Variants in WDR7 observed in about 807,000 individuals in gnomAD.
The protein encoded by WDR7 is WD repeat-containing protein 7.
WDR7 carries 46 observed loss-of-function variants against 169.4 expected under a neutral mutation model. The ratio of observed to expected loss-of-function variants is 0.27; its 90% CI spans 0.21 to 0.35. WDR7 has a LOEUF of 0.35. Ranked by LOEUF, WDR7 falls within the 10% of genes least tolerant of loss-of-function variation. The probability of loss-of-function intolerance (pLI) is 1.00; values close to 1 mark genes in which losing one functional copy is unlikely to be tolerated. For missense variants in WDR7, 1,534 were observed against 1,859.3 expected (o/e 0.83, Z 3.22); for synonymous variants, 612 against 666.8 (o/e 0.92, Z 1.27).
rs986539588 is a variant in WDR7, at chr18:56,967,102, G to A, written c.4164+4573G>A. Among the ~76,000 whole-genome samples, 9 of 152,192 alleles carry A rather than the reference G, an allele frequency of 5.9e-5. No homozygotes were observed. The East Asian group carries it at 1.7e-3, about 29-fold the overall frequency. On this transcript the variant is annotated intron_variant, in intron 26 of 27. Coordinates refer to ENST00000254442, the MANE Select transcript of WDR7 (RefSeq NM_015285.3). ...TTACAATTAAATTTCATTAATTGTA[G>A]GGAATTTTATAGATGAAACTGGAGA...
intron 13 of WDR7, among the ~76,000 whole-genome samples, chr18:56,721,067 A>G (rs1396900173): frequency 1.3e-5 from 2 of 152,006 alleles, no homozygotes; most frequent in African/African-American, 4.8e-5. Context: ...TAAAAAATGA[A>G]GCTAGAAAAA....
chr18:56,790,915 A>C (rs1462078686), intron 19 of WDR7, among the ~76,000 whole-genome samples: 1 of 152,070 alleles, frequency 6.6e-6, no homozygotes, highest in Non-Finnish European at 1.5e-5. Context: ...ATTGAGATTG[A>C]TCTGGTTTCT....
At position 57,029,633 on chromosome 18, in the gene WDR7, A is replaced by C. The variant is rs2048419642; in HGVS notation, c.*2426A>C. The C allele has an allele frequency of 6.6e-6, 1 of 152,076 alleles. No individual in the cohort carries two copies. Among genetic ancestry groups the C allele is most frequent in the South Asian group, 2.1e-4 (1 of 4,826 alleles). 9.4% of individuals were successfully genotyped at this position (152,076 alleles called of 1,614,324 possible). On this transcript the variant is annotated 3_prime_UTR_variant, in exon 28 of 28. Coordinates refer to ENST00000254442, the MANE Select transcript of WDR7 (RefSeq NM_015285.3). ...TACAAGCAAAAGATGACATGACGTG[A>C]CACCTGTATGAAAATGTGATGATTG... is the stretch of plus-strand genomic sequence containing the variant.
intron 26 of WDR7, among the ~76,000 whole-genome samples, chr18:56,980,751 A>G (rs952835634): frequency 6.6e-6 from 1 of 152,130 alleles, no homozygotes; most frequent in Non-Finnish European, 1.5e-5. Context: ...GATGGGAGAG[A>G]AGAGCATGTG....
chr18:56,749,407 T>C (rs2043754554), intron 14 of WDR7, among the ~76,000 whole-genome samples: 1 of 147,944 alleles, frequency 6.8e-6, no homozygotes, highest in South Asian at 2.2e-4. Flanking sequence ...TGTGTGTGTG[T>C]GTGTGTGTTA....
intron 1 of WDR7, among the ~76,000 whole-genome samples, chr18:56,669,462 A>T (rs901083606): frequency 2.6e-5 from 4 of 152,150 alleles, no homozygotes; most frequent in African/African-American, 7.2e-5. Context: ...AAACATTTCA[A>T]TTGAATAAGC....
In WDR7 at chr18:56,718,098, T is replaced by C. The variant is rs1265691070; in HGVS notation, c.1713T>C (p.Ser571=). ...TTCAAGTAATCAAATGGAGGCCTTC[T>C]GATGATTACCTGGTGGTGGGGTGTT... ...FPIQVIKWRP[S]DDYLVVGCSD... is the part of the protein sequence containing the mutation. Residue 571 remains serine, a synonymous_variant, in exon 13 of 28, where the codon TCT becomes TCC. Transcript: ENST00000254442. 6.2e-7 allele frequency: 1 copy of C among 1,614,170 alleles called. No homozygotes were observed. Among genetic ancestry groups the C allele is most frequent in the Non-Finnish European group, 8.5e-7 (1 of 1,180,002 alleles).
intron 11 of WDR7, 107 bp from the exon 12 acceptor site, chr18:56,696,135 G>A: frequency 1.1e-6 from 1 of 935,346 alleles, no homozygotes; most frequent in African/African-American, 1.7e-5. Flanking sequence ...GGAAGCCTTT[G>A]CTGTGATATA....
At chr18:56,687,875 G>T (rs189353463) in intron 7 of WDR7, among the ~76,000 whole-genome samples, 3 of 152,274 alleles carry the variant, frequency 2.0e-5, no homozygotes, top group Admixed American at 6.5e-5. Flanking sequence ...CGATCCTCCT[G>T]CCTCAGCCCC....
rs749238438 is a variant in WDR7, at chr18:56,694,634, C to G, written c.982C>G (p.Pro328Ala). 2.5e-5 allele frequency: 41 copies of G among 1,609,298 alleles called. No individual in the cohort carries two copies. The highest frequency in any genetic ancestry group is 1.8e-4 in the Admixed American group (11 of 59,482). ...RKDKELLICP[P>A]VTRFFYGCRE... ...TTTTTGGCAGTTGCTAATTTGTCCT[C>G]CTGTTACTCGGTTCTTCTATGGATG... Residue 328 changes from proline (P) to alanine (A), a missense_variant, in exon 10 of 28, where the codon CCT becomes GCT. By Grantham distance (27) the Pro-to-Ala change is conservative (BLOSUM62 -1). Transcript: ENST00000254442.
At chr18:56,925,255 T>C (rs1021371880) in intron 22 of WDR7, among the ~76,000 whole-genome samples, 24 of 152,220 alleles carry the variant, frequency 1.6e-4, no homozygotes, top group African/African-American at 5.8e-4. Context: ...CATAAGTATT[T>C]GAACACCTGT....
chr18:56,783,911 T>G (rs936113871), intron 19 of WDR7, among the ~76,000 whole-genome samples: 1 of 152,200 alleles, frequency 6.6e-6, no homozygotes, highest in African/African-American at 2.4e-5. Context: ...AATTACTCCC[T>G]GAAGCAGTGC....
chr18:56,698,343 A>G (rs556147936), intron 12 of WDR7, among the ~76,000 whole-genome samples: 4 of 152,216 alleles, frequency 2.6e-5, no homozygotes, highest in African/African-American at 7.2e-5. Context: ...ATGGTGGCTC[A>G]TGCCTGTAAT....
chr18:56,812,154 T>C (rs1472087103), intron 19 of WDR7, among the ~76,000 whole-genome samples: 1 of 152,194 alleles, frequency 6.6e-6, no homozygotes, highest in Non-Finnish European at 1.5e-5. Context: ...CATCAGTGTT[T>C]TGTAGTTGTC....
chr18:56,901,420 A>G (rs2046400177), intron 21 of WDR7, among the ~76,000 whole-genome samples: 1 of 152,132 alleles, frequency 6.6e-6, no homozygotes, highest in Non-Finnish European at 1.5e-5. Context: ...AAACCAGGCC[A>G]TGCCTCAAAA....
intron 25 of WDR7, among the ~76,000 whole-genome samples, chr18:56,958,713 G>T (rs1369216866): frequency 6.6e-6 from 1 of 152,096 alleles, no homozygotes; most frequent in Non-Finnish European, 1.5e-5. Context: ...TTCTAGAAGG[G>T]TCATGGGAGA....
chr18:56,661,457 G>A (rs1350641411), intron 1 of WDR7, among the ~76,000 whole-genome samples: 3 of 151,978 alleles, frequency 2.0e-5, no homozygotes, highest in East Asian at 1.9e-4. Flanking sequence ...ATTTATTTTT[G>A]ACCAGATAGT....
At chr18:57,010,156 A>T (rs1417842696) in intron 26 of WDR7, 1 of 985,384 alleles carries the variant, frequency 1.0e-6, no homozygotes. Context: ...ATAGCACAGT[A>T]TAAGACTTCT....
At chr18:56,802,654 C>T (rs1160679529) in intron 19 of WDR7, among the ~76,000 whole-genome samples, 1 of 151,952 alleles carries the variant, frequency 6.6e-6, no homozygotes, top group African/African-American at 2.4e-5. Context: ...AGGCATGAGC[C>T]ACCGCACCTG....
Sources: gnomAD v4.1 joint callset for allele counts (sites outside exome capture counted in the v4.1 genomes callset) on GRCh38, gnomAD v4.1.1 for gene constraint, MANE v1.5 for transcripts, NCBI Gene and HGNC (gene_info 2026-07-23, HGNC 2026-07-21) for gene names.